FDFT1: variants seen among roughly 807,000 people sequenced by gnomAD.
FDFT1 encodes squalene synthase.
FDFT1 carries 68 observed loss-of-function variants against 46.8 expected under a neutral mutation model. The ratio of observed to expected loss-of-function variants is 1.45; its 90% CI spans 1.19 to 1.78. The LOEUF (loss-of-function observed/expected upper bound fraction) is 1.78. FDFT1 is among the 40% of genes most tolerant of loss of function. The probability of loss-of-function intolerance (pLI) is 0.00; values close to 1 mark genes in which losing one functional copy is unlikely to be tolerated. For missense variants in FDFT1, 928 were observed against 524.4 expected, an observed-to-expected ratio of 1.77 and a Z score of -7.52; for synonymous variants, 351 against 185.1, an observed-to-expected ratio of 1.90 and a Z score of -7.28.
intron 1 of FDFT1, 21 bp from the exon 2 acceptor site, chr8:11,808,773 G>GT (rs1282871061): frequency 6.2e-7 from 1 of 1,606,304 alleles, no homozygotes; most frequent in Non-Finnish European, 8.5e-7. Context: ...TCCCACCGCC[G>GT]TGTGTGTTGT....
chr8:11,821,146 T>C (rs1267085185), intron 3 of FDFT1, among the ~76,000 whole-genome samples: 2 of 152,228 alleles, frequency 1.3e-5, no homozygotes, highest in Non-Finnish European at 2.9e-5. Context: ...CAAGCTGTTC[T>C]CCCAAAAACT....
chr8:11,838,292 T>G lies in FDFT1; in HGVS notation c.1033-96T>G, dbSNP rs548744798. 355 of 902,662 alleles carry G rather than the reference T, an allele frequency of 3.9e-4. 1 individual carries two copies. The highest frequency in any genetic ancestry group is 1.3e-4 in the Non-Finnish European group (70 of 553,504). 55.9% of individuals were successfully genotyped at this position (902,662 alleles called of 1,614,324 possible). A position where few individuals can be genotyped will look rare whatever the true frequency, so the allele number is the denominator to read the frequency against. On this transcript the variant is annotated intron_variant, in intron 7 of 7. Transcript: ENST00000220584. ...AGCCTCCCTTTCCTCATTGGTAAAA[T>G]GGGTATAAAATACCTGCCAGTGGAG...
chr8:11,797,978 C>G (rs573798902), upstream of FDFT1: 1 of 152,262 alleles, frequency 6.6e-6, no homozygotes, highest in Non-Finnish European at 1.5e-5. Flanking sequence ...CGTTTTTATT[C>G]TATGCCAGAA....
intron 1 of FDFT1, chr8:11,796,040 G>A (rs573919397): frequency 1.3e-5 from 2 of 152,330 alleles, no homozygotes; most frequent in East Asian, 1.9e-4. Flanking sequence ...TCATGAGTTG[G>A]GGTTTTGTGA....
chr8:11,823,969 C>T (rs1461961707), intron 4 of FDFT1, among the ~76,000 whole-genome samples: 1 of 152,064 alleles, frequency 6.6e-6, no homozygotes, highest in Non-Finnish European at 1.5e-5. Context: ...TGGTCTTGAG[C>T]TCCTGGGCTC....
intron 1 of FDFT1, among the ~76,000 whole-genome samples, chr8:11,806,103 C>A (rs755685717): frequency 1.3e-5 from 2 of 152,098 alleles, no homozygotes; most frequent in African/African-American, 4.8e-5. Flanking sequence ...GGTAGCTGTT[C>A]ACTTGTGGAA....
At chr8:11,821,074 A>G (rs1219181268) in intron 3 of FDFT1, among the ~76,000 whole-genome samples, 1 of 152,206 alleles carries the variant, frequency 6.6e-6, no homozygotes, top group Non-Finnish European at 1.5e-5. Context: ...TACTTGTTAC[A>G]TAGGAAGTGC....
intron 1 of FDFT1, 78 bp from the exon 2 acceptor site, chr8:11,808,716 T>C: frequency 7.6e-7 from 1 of 1,311,090 alleles, no homozygotes; most frequent in Non-Finnish European, 9.8e-7. Context: ...CCAGTCCCAC[T>C]CCCACTCCCA....
intron 3 of FDFT1, among the ~76,000 whole-genome samples, chr8:11,817,187 T>C (rs1354519739): frequency 6.6e-6 from 1 of 152,238 alleles, no homozygotes; most frequent in African/African-American, 2.4e-5. Context: ...GATTTGTGTA[T>C]GTTGAACAGC....
chr8:11,802,801 G>A lies in FDFT1; in HGVS notation c.-32G>A, dbSNP rs372845223. 1.8e-4 allele frequency: 280 copies of A among 1,564,724 alleles called. No individual in the cohort carries two copies. The highest frequency in any genetic ancestry group is 2.9e-4 in the Admixed American group (16 of 56,120). On this transcript the variant is annotated 5_prime_UTR_variant, in exon 1 of 8. Coordinates refer to ENST00000220584, the MANE Select transcript of FDFT1 (RefSeq NM_004462.5). ...GCGCCTGGGGACCGCAGAGGTGAGA[G>A]TCGCGCCCGGGAGTCCGCCGCCTGC...
chr8:11,809,147 G>T, intron 2 of FDFT1: 2 of 1,303,686 alleles, frequency 1.5e-6, no homozygotes, highest in Non-Finnish European at 2.0e-6. Context: ...TTTTAGTCTT[G>T]GCAGCTGAAC....
chr8:11,838,391 T>G lies in FDFT1; in HGVS notation c.1036T>G (p.Tyr346Asp), dbSNP rs754659198. The G allele has an allele frequency of 6.2e-7, 1 of 1,612,904 alleles. No homozygotes were observed. Among genetic ancestry groups the G allele is most frequent in the South Asian group, 1.1e-5 (1 of 91,052 alleles). ...TTTTTTCCTGTGTCTTTAACAGATT[T>G]ATCATAGAATCCCCGACTCAGACCC... ...AIIYQYMEEI[Y>D]HRIPDSDPSS... The change falls in exon 8 of 8, where the codon TAT (tyrosine) becomes GAT (aspartate). Residue 346 changes from tyrosine to aspartate, a missense_variant. By Grantham distance (160) the Tyr-to-Asp change is radical. Coordinates refer to ENST00000220584, the MANE Select transcript of FDFT1 (RefSeq NM_004462.5).
chr8:11,817,362 A>G (rs961230508), intron 3 of FDFT1, among the ~76,000 whole-genome samples: 1 of 152,130 alleles, frequency 6.6e-6, no homozygotes, highest in African/African-American at 2.4e-5. Flanking sequence ...AGGCTTTGGT[A>G]TCAGGATGAT....
intron 7 of FDFT1, 129 bp from the exon 8 acceptor site, chr8:11,838,259 G>C (rs547996073): frequency 2.8e-6 from 2 of 724,508 alleles, no homozygotes; most frequent in East Asian, 2.7e-5. Context: ...TTATGTTCAT[G>C]TTCTCTGAGC....
intron 7 of FDFT1, among the ~76,000 whole-genome samples, chr8:11,832,265 TTA>T (rs966045576): frequency 2.0e-5 from 3 of 152,008 alleles, no homozygotes; most frequent in African/African-American, 7.2e-5. Context: ...TTCAAAAAGT[TTA>T]TTTCTGGCCA....
chr8:11,834,490 G>A (rs1369365910), intron 7 of FDFT1, among the ~76,000 whole-genome samples: 5 of 152,102 alleles, frequency 3.3e-5, no homozygotes, highest in African/African-American at 4.8e-5. Context: ...AGAATCATCC[G>A]GCTCTTTGAG....
upstream of FDFT1, chr8:11,802,478 C>T (rs1254554582): frequency 1.3e-5 from 6 of 477,732 alleles, no homozygotes; most frequent in Non-Finnish European, 2.5e-5. Context: ...AAACAAAGGC[C>T]CGGCTCCATC....
intron 7 of FDFT1, among the ~76,000 whole-genome samples, 182 bp from the exon 8 acceptor site, chr8:11,838,206 G>A (rs1221470664): frequency 6.6e-6 from 1 of 152,178 alleles, no homozygotes; most frequent in Non-Finnish European, 1.5e-5. Flanking sequence ...AGATGAGCTG[G>A]GGCTGACATC....
At chr8:11,810,200 T>C (rs1807508092) in intron 3 of FDFT1, among the ~76,000 whole-genome samples, 1 of 152,100 alleles carries the variant, frequency 6.6e-6, no homozygotes, top group Admixed American at 6.5e-5. Context: ...TTATTATCAG[T>C]ATTGGAAGTC....
Sources: gnomAD v4.1 joint callset for allele counts (sites outside exome capture counted in the v4.1 genomes callset) on GRCh38, gnomAD v4.1.1 for gene constraint, MANE v1.5 for transcripts, NCBI Gene and HGNC (gene_info 2026-07-23, HGNC 2026-07-21) for gene names.